Variants in TRAPPC9 observed in about 807,000 individuals in gnomAD.
TRAPPC9 encodes the protein trafficking protein particle complex subunit 9.
Under a neutral mutation model 124.0 loss-of-function variants are expected in TRAPPC9, and 83 were observed. The observed-to-expected ratio is 0.67, with a 90% CI of 0.56 to 0.80. TRAPPC9 has a LOEUF of 0.80. Ranked by LOEUF, TRAPPC9 falls within the 30% of genes least tolerant of loss-of-function variation. The probability of loss-of-function intolerance (pLI) is 0.00; values close to 1 mark genes in which losing one functional copy is unlikely to be tolerated. For missense variants in TRAPPC9, 1,302 were observed against 1,508.3 expected (o/e 0.86, Z 2.27); for synonymous variants, 638 against 617.5 (o/e 1.03, Z -0.49).
Position 140,291,044 on chromosome 8 carries a change from A to G in TRAPPC9, c.1803T>C (p.Val601=). ...FQWVQGDVCE[V]QLMVYNPMPF... is the part of the protein sequence containing the mutation. The stretch of plus-strand genomic sequence containing the variant: ...GCATTGGGTTATATACCATCAGCTG[A>G]ACTTCACACACATCTCCTTGAACCC... The change falls in exon 12 of 23, where the codon GTT becomes GTC. Residue 601 remains valine (V), a synonymous_variant. Coordinates refer to ENST00000438773, the MANE Select transcript of TRAPPC9 (RefSeq NM_001160372.4). The G allele has an allele frequency of 6.2e-7, 1 of 1,614,256 alleles. No homozygotes were observed.
intron 19 of TRAPPC9, among the ~76,000 whole-genome samples, chr8:139,941,557 A>C (rs959593005): frequency 6.6e-6 from 1 of 152,230 alleles, no homozygotes; most frequent in African/African-American, 2.4e-5. Context: ...TTTAGCCTTA[A>C]CAAAGGCAGA....
intron 17 of TRAPPC9, among the ~76,000 whole-genome samples, chr8:140,183,686 CT>C (rs1392760165): frequency 2.0e-5 from 3 of 151,330 alleles, no homozygotes; most frequent in Non-Finnish European, 4.4e-5. Flanking sequence ...GGTGAAACGT[CT>C]CTACTAAAAA....
At chr8:139,740,190 G>A (rs571004739) in intron 21 of TRAPPC9, among the ~76,000 whole-genome samples, 3 of 152,290 alleles carry the variant, frequency 2.0e-5, no homozygotes, top group South Asian at 2.1e-4. Context: ...GCGTCACATC[G>A]GCACCGGCCC....
intron 4 of TRAPPC9, among the ~76,000 whole-genome samples, chr8:140,429,942 T>C (rs150084697): frequency 2.0e-4 from 30 of 152,080 alleles, no homozygotes; most frequent in African/African-American, 7.2e-4. Context: ...ATGTCAGGAG[T>C]TCGAGACCAG....
In TRAPPC9 at chr8:140,451,216, A is replaced by C. The variant is rs2071448871; in HGVS notation, c.158T>G (p.Leu53Arg). 6.2e-7 allele frequency: 1 copy of C among 1,613,978 alleles called. No individual in the cohort carries two copies. Among genetic ancestry groups the C allele is most frequent in the African/African-American group, 1.3e-5 (1 of 74,924 alleles). The change falls in exon 2 of 23, where the codon CTC becomes CGC. Residue 53 changes from leucine (L) to arginine (R), a missense_variant. By Grantham distance (102) the Leu-to-Arg change is moderately radical. This residue lies in a region of TRAPPC9 where 657 missense variants were observed against 811.2 expected (regional missense o/e 0.81). Transcript: ENST00000438773. ...GTAGTGGTGCCTGTAGCGGATGTAG[A>C]GGACTCGCTGGGAGTCCCGCACGCT... ...QISVRDSQRV[L>R]YIRYRHHYPP...
intron 17 of TRAPPC9, among the ~76,000 whole-genome samples, chr8:140,058,043 G>T (rs1402119188): frequency 3.9e-5 from 6 of 152,206 alleles, no homozygotes; most frequent in Admixed American, 1.3e-4. Flanking sequence ...ATTGCATACA[G>T]AAGTGCTCGC....
intron 21 of TRAPPC9, among the ~76,000 whole-genome samples, chr8:139,782,102 A>G (rs1329494350): frequency 6.6e-6 from 1 of 152,236 alleles, no homozygotes; most frequent in Admixed American, 6.5e-5. Context: ...AAAAGGGGCC[A>G]GGTGTGGTGG....
At chr8:140,294,773 A>T (rs1231616534) in intron 11 of TRAPPC9, among the ~76,000 whole-genome samples, 1 of 151,696 alleles carries the variant, frequency 6.6e-6, no homozygotes, top group African/African-American at 2.4e-5. Flanking sequence ...ATGCCCGGCT[A>T]AATTTGTTTG....
chr8:140,036,372 C>T (rs949385891), intron 17 of TRAPPC9, among the ~76,000 whole-genome samples: 22 of 152,134 alleles, frequency 1.4e-4, no homozygotes, highest in African/African-American at 3.9e-4. Context: ...TGAACATTGA[C>T]GGTCAGGCTC....
chr8:140,069,774 A>C lies in TRAPPC9; in HGVS notation c.2557-45695T>G, dbSNP rs572850094. On this transcript the variant is annotated intron_variant, in intron 17 of 22. Coordinates refer to ENST00000438773, the MANE Select transcript of TRAPPC9 (RefSeq NM_001160372.4). ...CCACACCAAGCCGCCTGCAAGCTGGAGAACCAGAGGAGCTGCAGGTCCGAA... is the reference window on the plus strand; with the variant it reads ...CCACACCAAGCCGCCTGCAAGCTGGCGAACCAGAGGAGCTGCAGGTCCGAA... 9.8e-5 allele frequency among the ~76,000 whole-genome samples: 15 copies of C among 152,300 alleles called. 1 individual carries two copies. The East Asian group carries it at 2.9e-3, about 29-fold the overall frequency.
At chr8:140,447,613 G>A (rs1040912661) in intron 2 of TRAPPC9, among the ~76,000 whole-genome samples, 2 of 152,170 alleles carry the variant, frequency 1.3e-5, no homozygotes, top group African/African-American at 4.8e-5. Context: ...CATGTGAGCT[G>A]GTAAGTAAAT....
intron 17 of TRAPPC9, among the ~76,000 whole-genome samples, chr8:140,032,159 T>G (rs1382530724): frequency 6.6e-6 from 1 of 152,200 alleles, no homozygotes; most frequent in Non-Finnish European, 1.5e-5. Flanking sequence ...ATGGACACTC[T>G]GCTCCAGCAC....
chr8:140,102,337 C>T (rs2060594898), intron 17 of TRAPPC9, among the ~76,000 whole-genome samples: 1 of 152,178 alleles, frequency 6.6e-6, no homozygotes, highest in Admixed American at 6.5e-5. Flanking sequence ...GTAATAGACT[C>T]ATGTGAATTT....
chr8:139,963,088 G>A (rs574990132), intron 19 of TRAPPC9, among the ~76,000 whole-genome samples: 11 of 152,340 alleles, frequency 7.2e-5, no homozygotes, highest in South Asian at 2.1e-4. Context: ...AACGAGAGAC[G>A]GAGGTGTCTC....
At chr8:140,308,434 GTTC>G (rs1030843873) in intron 10 of TRAPPC9, among the ~76,000 whole-genome samples, 40 of 151,960 alleles carry the variant, frequency 2.6e-4, no homozygotes, top group African/African-American at 9.7e-4. Flanking sequence ...ATCTCAGGCA[GTTC>G]TTCTTCCCAG....
chr8:139,895,777 T>C (rs1303909871), intron 20 of TRAPPC9, among the ~76,000 whole-genome samples: 1 of 152,234 alleles, frequency 6.6e-6, no homozygotes. Flanking sequence ...TTCTTTCTGC[T>C]TTCCCTCCTG....
chr8:140,397,394 C>CA lies in TRAPPC9; in HGVS notation c.1134+225dup, dbSNP rs144500970. Among the ~76,000 whole-genome samples, 2,202 of 151,730 alleles carry CA rather than the reference C, an allele frequency of 0.015. 51 individuals are homozygous for CA. Among genetic ancestry groups the CA allele is most frequent in the African/African-American group, 0.039 (1,621 of 41,352 alleles). ...CACAGTTACTTCTCCAAAAAACAAA[C>CA]AAAAAAAATGCAAAGGACAGCAAGT... On this transcript the variant is annotated intron_variant, in intron 7 of 22. Coordinates refer to ENST00000438773, the MANE Select transcript of TRAPPC9 (RefSeq NM_001160372.4).
In TRAPPC9 at chr8:140,294,755, G is replaced by A. The variant is rs558086077; in HGVS notation, c.1769-3677C>T. On this transcript the variant is annotated intron_variant, in intron 11 of 22. Transcript: ENST00000438773. ...CCCAAGTAGCTGGGACTACAGGTGT[G>A]CGCCACCATGCCCGGCTAAATTTGT... 6.6e-5 allele frequency among the ~76,000 whole-genome samples: 9 copies of A among 136,890 alleles called. No individual in the cohort carries two copies. The South Asian group carries it at 1.6e-3, about 24-fold the overall frequency. The allele number at this position is 136,890 out of a possible 152,430, so 89.8% of individuals were successfully genotyped here. A position where few individuals can be genotyped will look rare whatever the true frequency, so the allele number is the denominator to read the frequency against.
chr8:139,959,005 C>A (rs1420329794), intron 19 of TRAPPC9, among the ~76,000 whole-genome samples: 1 of 150,830 alleles, frequency 6.6e-6, no homozygotes, highest in African/African-American at 2.5e-5. Flanking sequence ...CATTCCGAGT[C>A]ACACGGGGGA....
Sources: allele counts gnomAD v4.1 joint callset (sites outside exome capture counted in the v4.1 genomes callset), GRCh38; gene constraint gnomAD v4.1.1; regional missense constraint gnomAD v4.1.1; transcripts MANE v1.5; gene names NCBI Gene and HGNC (gene_info 2026-07-23, HGNC 2026-07-21).